Variants in CAPN6 observed in about 807,000 individuals in gnomAD.
The protein encoded by CAPN6 is calpain 6.
A neutral mutation model predicts 46.0 loss-of-function variants in CAPN6; 16 were observed. The ratio of observed to expected loss-of-function variants is 0.35; its 90% CI spans 0.24 to 0.53. The LOEUF is 0.53. CAPN6 is among the 20% of genes least tolerant of loss of function. The pLI, the probability that CAPN6 is intolerant of heterozygous loss-of-function variation, is 0.94. For missense variants in CAPN6, 461 were observed against 498.0 expected (o/e 0.93, Z 0.71); for synonymous variants, 206 against 172.8 (o/e 1.19, Z -1.51).
Position 111,251,066 on chromosome X carries a change from G to A in CAPN6, c.1009C>T (p.Leu337=), listed in dbSNP as rs2094978913. The A allele has an allele frequency of 8.3e-7, 1 of 1,211,142 alleles. No individual in the cohort carries two copies. The highest frequency in any genetic ancestry group is 1.7e-5 in the African/African-American group (1 of 57,577). ...LEDFCRNFHK[L]NVCRNVNNPI... The stretch of plus-strand genomic sequence containing the variant: ...TTGTTCACATTGCGGCAGACATTCA[G>A]TTTGTGAAAGTTGCGGCAAAAGTCC... The change falls in exon 8 of 13, where the codon CTG becomes TTG. Residue 337 remains leucine (L), a synonymous_variant. Coordinates refer to ENST00000324068, the MANE Select transcript of CAPN6 (RefSeq NM_014289.4).
intron 8 of CAPN6, among the ~76,000 whole-genome samples, chrX:111,249,697 A>G (rs1387480317): frequency 2.7e-5 from 3 of 110,704 alleles, no homozygotes; most frequent in Non-Finnish European, 5.7e-5. Flanking sequence ...AAGGAAACAT[A>G]AAACAGCTAC....
intron 2 of CAPN6, among the ~76,000 whole-genome samples, chrX:111,260,358 G>T (rs1448619501): frequency 2.7e-5 from 3 of 113,033 alleles, no homozygotes; most frequent in African/African-American, 9.6e-5. Flanking sequence ...AGGCATGGAG[G>T]CTTACGAAGG....
chrX:111,258,053 C>A lies in CAPN6; in HGVS notation c.166-3650G>T, dbSNP rs750715222. Among the ~76,000 whole-genome samples the A allele has an allele frequency of 6.3e-5, 7 of 111,823 alleles. No homozygotes were observed. In the South Asian group the frequency reaches 2.7e-3, roughly 43 times the overall value. The stretch of plus-strand genomic sequence containing the variant: ...CTCTTAGCTTAGTCTTAAGGGACTT[C>A]TCATTGTCCTTACTTCATCCTCCTT... On this transcript the variant is annotated intron_variant, in intron 2 of 12. Coordinates refer to ENST00000324068, the MANE Select transcript of CAPN6 (RefSeq NM_014289.4).
At position 111,253,151 on chromosome X, in the gene CAPN6, A is replaced by T; in HGVS notation, c.363T>A (p.Phe121Leu). 8.3e-7 allele frequency: 1 copy of T among 1,211,546 alleles called. No homozygotes were observed. The highest frequency in any genetic ancestry group is 1.1e-6 in the Non-Finnish European group (1 of 895,077). ...CTCCAAAATGCCAGAAACGAAAGTG[A>T]AATATCCCAGCGTATTTTTCTGTTT... The part of the protein sequence containing the change: ...PQKTEKYAGI[F>L]HFRFWHFGEW... The change falls in exon 4 of 13, where the codon TTT (phenylalanine) becomes TTA (leucine). Residue 121 changes from phenylalanine to leucine, a missense_variant. Phe to Leu is a conservative substitution (Grantham distance 22). Transcript: ENST00000324068.
chrX:111,247,254 CA>C (rs2094975255), intron 12 of CAPN6, 113 bp downstream of exon 12: 1 of 728,627 alleles, frequency 1.4e-6, no homozygotes, highest in Non-Finnish European at 2.0e-6. Context: ...TAAAACAAAC[CA>C]AAAAATACGA....
intron 6 of CAPN6, 61 bp downstream of exon 6, chrX:111,251,488 A>G: frequency 2.0e-6 from 2 of 1,014,099 alleles, no homozygotes; most frequent in South Asian, 4.1e-5. Flanking sequence ...GTCTGGAGGG[A>G]TGGGTCTGGG....
chrX:111,252,779 G>A (rs1345509280), intron 4 of CAPN6, among the ~76,000 whole-genome samples: 2 of 111,921 alleles, frequency 1.8e-5, no homozygotes, highest in African/African-American at 6.5e-5. Context: ...GGAGGAAAGG[G>A]TACCTGGGAG....
Position 111,253,185 on chromosome X carries a change from T to C in CAPN6, c.329A>G (p.Asp110Gly). 8.3e-7 allele frequency: 1 copy of C among 1,209,703 alleles called. No homozygotes were observed. Among genetic ancestry groups the C allele is most frequent in the Non-Finnish European group, 1.1e-6 (1 of 893,542 alleles). ...TIPNHKEQEW[D>G]PQKTEKYAGI... ...AGCGTATTTTTCTGTTTTTTGAGGG[T>C]CCCATTCCTGTTCCTTATGGTTGGG... Residue 110 changes from aspartate (D) to glycine (G), a missense_variant, in exon 4 of 13, where the codon GAC becomes GGC. By Grantham distance (94) the Asp-to-Gly change is moderately conservative (BLOSUM62 -1). Coordinates refer to ENST00000324068, the MANE Select transcript of CAPN6 (RefSeq NM_014289.4).
At chrX:111,258,942 C>T (rs2094985855) in intron 2 of CAPN6, among the ~76,000 whole-genome samples, 1 of 112,152 alleles carries the variant, frequency 8.9e-6, no homozygotes, top group African/African-American at 3.2e-5. Context: ...AAGCCAGTTA[C>T]TTTTATGATT....
intron 2 of CAPN6, among the ~76,000 whole-genome samples, chrX:111,257,874 A>C (rs1253906711): frequency 1.8e-5 from 2 of 111,666 alleles, no homozygotes; most frequent in East Asian, 5.7e-4. Flanking sequence ...GCACAGTTGA[A>C]GTGATCATTT....
At chrX:111,256,028 C>A (rs1281068265) in intron 2 of CAPN6, among the ~76,000 whole-genome samples, 1 of 111,694 alleles carries the variant, frequency 9.0e-6, no homozygotes, top group East Asian at 2.8e-4. Context: ...TTGGCCTTTT[C>A]TAAAATGAAA....
chrX:111,250,942 C>A lies in CAPN6; in HGVS notation c.1133G>T (p.Arg378Leu). ...CTGGGGATTCTGCAGGAAGGTATCA[C>A]GGTTGTTATAGCAGCCTCCTGAGCG... ...MNRSGGCYNNRDTFLQNPQYI... is the reference protein window; with the variant it reads ...MNRSGGCYNNLDTFLQNPQYI... Residue 378 changes from arginine to leucine, a missense_variant, in exon 8 of 13, where the codon CGT becomes CTT. Physicochemically the swap from Arg to Leu is moderately radical, Grantham distance 102. Transcript: ENST00000324068. 1 of 1,210,581 alleles carries A rather than the reference C, an allele frequency of 8.3e-7. No homozygotes were observed. Among genetic ancestry groups the A allele is most frequent in the Non-Finnish European group, 1.1e-6 (1 of 894,977 alleles).
intron 2 of CAPN6, among the ~76,000 whole-genome samples, chrX:111,255,421 A>G (rs1017965877): frequency 1.8e-5 from 2 of 112,406 alleles, no homozygotes; most frequent in African/African-American, 6.5e-5. Flanking sequence ...AGTTGAAGAC[A>G]TAATTGGGTG....
intron 2 of CAPN6, among the ~76,000 whole-genome samples, chrX:111,260,110 TAAG>T (rs1305673945): frequency 3.6e-5 from 4 of 112,407 alleles, no homozygotes; most frequent in Non-Finnish European, 5.6e-5. Flanking sequence ...CTGGAGAAAT[TAAG>T]AAGAACTTTC....
chrX:111,252,364 T>A lies in CAPN6; in HGVS notation c.642A>T (p.Leu214=). ...YTELVEEKYK[L]FGELYKTFTK... is the part of the protein sequence containing the mutation. ...TAAATGTTTTGTACAGTTCTCCGAA[T>A]AGCTTGTACTTCTCCTCAACAAGCT... The change falls in exon 5 of 13, where the codon CTA becomes CTT. Residue 214 remains leucine (L), a synonymous_variant. Coordinates refer to ENST00000324068, the MANE Select transcript of CAPN6 (RefSeq NM_014289.4). The A allele has an allele frequency of 1.7e-6, 2 of 1,209,413 alleles. No homozygotes were observed. The highest frequency in any genetic ancestry group is 2.2e-6 in the Non-Finnish European group (2 of 893,937).
At chrX:111,250,204 A>G (rs756843141) in intron 8 of CAPN6, among the ~76,000 whole-genome samples, 16 of 111,776 alleles carry the variant, frequency 1.4e-4, no homozygotes, top group Non-Finnish European at 3.0e-4. Flanking sequence ...AGACGCACCC[A>G]TGGGCAGTGA....
intron 2 of CAPN6, among the ~76,000 whole-genome samples, chrX:111,262,512 T>C (rs1318854670): frequency 8.9e-6 from 1 of 111,874 alleles, no homozygotes; most frequent in African/African-American, 3.3e-5. Context: ...ATGCCTGAGA[T>C]GGTTCCATAA....
intron 1 of CAPN6, among the ~76,000 whole-genome samples, chrX:111,266,968 C>A (rs775467678): frequency 8.9e-6 from 1 of 112,095 alleles, no homozygotes; most frequent in African/African-American, 3.2e-5. Context: ...GCGGGTTCAT[C>A]ATTTAAACAT....
chrX:111,246,390 G>A lies in CAPN6; in HGVS notation c.*187C>T. ...GCCTCCCCATGTCCAGCTGCTGGAG[G>A]TATATAGGTTATGTAGCTACAGATG... On this transcript the variant is annotated 3_prime_UTR_variant, in exon 13 of 13. Transcript: ENST00000324068. 4.6e-6 allele frequency: 2 copies of A among 439,266 alleles called. No homozygotes were observed. The highest frequency in any genetic ancestry group is 7.5e-5 in the South Asian group (2 of 26,795). 36.2% of individuals were successfully genotyped at this position (439,266 alleles called of 1,213,427 possible).
Sources: allele counts gnomAD v4.1 joint callset (sites outside exome capture counted in the v4.1 genomes callset), GRCh38; gene constraint gnomAD v4.1.1; transcripts MANE v1.5; gene names NCBI Gene and HGNC (gene_info 2026-07-23, HGNC 2026-07-21).